NEXN: variants seen among roughly 807,000 people sequenced by gnomAD.
The protein encoded by NEXN is nexilin F-actin binding protein, also known as nexilin.
NEXN carries 65 observed loss-of-function variants against 92.6 expected under a neutral mutation model. That is an observed-to-expected ratio of 0.70 (90% CI 0.57 to 0.86). NEXN has a LOEUF of 0.86. Among genes scored for constraint, NEXN ranks in the 40% least tolerant of loss-of-function variants. The pLI, the probability that NEXN is intolerant of heterozygous loss-of-function variation, is 0.00. For synonymous variants in NEXN, 254 were observed against 242.5 expected (o/e 1.05, Z -0.44); for missense variants, 778 against 771.1 (o/e 1.01, Z -0.11).
chr1:77,895,646 T>C (rs978215370), intron 1 of NEXN, among the ~76,000 whole-genome samples: 1 of 152,070 alleles, frequency 6.6e-6, no homozygotes, highest in Non-Finnish European at 1.5e-5. Flanking sequence ...GGCGGATCTC[T>C]TGAGGCCAGG....
At position 77,917,969 on chromosome 1, in the gene NEXN, A is replaced by T. The variant is rs1400298882; in HGVS notation, c.229A>T (p.Met77Leu). ...WNRRKQEIKE[M>L]LASDDEEDVS... ...TTATTTAACCATCTAGATTAAAGAA[A>T]TGCTTGCTTCTGATGATGAGGAAGA... Residue 77 changes from methionine to leucine, a missense_variant, in exon 4 of 13, where the codon ATG (methionine) becomes TTG (leucine). Around this residue, in one of 3 missense-constraint regions of NEXN, gnomAD observed 236 missense variants for 265.6 expected, o/e 0.89. Coordinates refer to ENST00000334785, the MANE Select transcript of NEXN (RefSeq NM_144573.4). 3 of 1,612,286 alleles carry T rather than the reference A, an allele frequency of 1.9e-6. No individual in the cohort carries two copies. In the Admixed American group the frequency reaches 5.0e-5, roughly 27 times the overall value.
chr1:77,934,707 T>C (rs1184475810), intron 10 of NEXN, among the ~76,000 whole-genome samples: 1 of 152,130 alleles, frequency 6.6e-6, no homozygotes, highest in Non-Finnish European at 1.5e-5. Context: ...AATGGGGGCG[T>C]GTATTCGCCA....
At chr1:77,895,601 C>T (rs1293030748) in intron 1 of NEXN, among the ~76,000 whole-genome samples, 2 of 152,194 alleles carry the variant, frequency 1.3e-5, no homozygotes, top group African/African-American at 4.8e-5. Flanking sequence ...CTGTGGCTCA[C>T]GCCTGTAATT....
At chr1:77,936,181 C>A in intron 11 of NEXN, 137 bp downstream of exon 11, 1 of 656,710 alleles carries the variant, frequency 1.5e-6, no homozygotes, top group South Asian at 1.9e-5. Flanking sequence ...AAGTAAATAG[C>A]AAAACACATG....
intron 1 of NEXN, among the ~76,000 whole-genome samples, chr1:77,905,068 C>T (rs1010038100): frequency 6.6e-6 from 1 of 151,264 alleles, no homozygotes; most frequent in Non-Finnish European, 1.5e-5. Flanking sequence ...TAGAGACCAT[C>T]CTTGCCAACA....
At position 77,897,838 on chromosome 1, in the gene NEXN, A is replaced by G. The variant is rs1454461580; in HGVS notation, c.-53+9079A>G. Among the ~76,000 whole-genome samples the G allele has an allele frequency of 6.6e-5, 10 of 152,022 alleles. No homozygotes were observed. The South Asian group carries it at 1.9e-3, about 28-fold the overall frequency. Reference sequence around the variant, plus strand: ...CTCAGGATACAAAATCAATGTGCAAAAATCACAAGCATTCTTATACACCAA... The same window carrying G: ...CTCAGGATACAAAATCAATGTGCAAGAATCACAAGCATTCTTATACACCAA... On this transcript the variant is annotated intron_variant, in intron 1 of 12. Transcript: ENST00000334785.
At chr1:77,909,947 TAAC>T (rs1202450353) in intron 1 of NEXN, among the ~76,000 whole-genome samples, 1 of 152,098 alleles carries the variant, frequency 6.6e-6, no homozygotes, top group Non-Finnish European at 1.5e-5. Context: ...ATACAAAACT[TAAC>T]AAAATTTTAT....
At position 77,933,578 on chromosome 1, in the gene NEXN, G is replaced by A. The variant is rs944979381; in HGVS notation, c.1251+99G>A. ...ACTTTGTATTATTATTCACCTTTAG[G>A]ATAGTTGACATAGTATTATGAGGTG... On this transcript the variant is annotated intron_variant, in intron 10 of 12. Transcript: ENST00000334785. 15 of 939,368 alleles carry A rather than the reference G, an allele frequency of 1.6e-5. No homozygotes were observed. The African/African-American group carries it at 2.3e-4, about 14-fold the overall frequency. 58.2% of individuals were successfully genotyped at this position (939,368 alleles called of 1,614,324 possible).
At chr1:77,938,774 AAGAGG>A (rs1211583873) in intron 11 of NEXN, among the ~76,000 whole-genome samples, 1 of 152,126 alleles carries the variant, frequency 6.6e-6, no homozygotes, top group Non-Finnish European at 1.5e-5. Flanking sequence ...GTTGCAGGTA[AAGAGG>A]AGAGACATTC....
chr1:77,936,625 A>T (rs1650791770), intron 11 of NEXN, among the ~76,000 whole-genome samples: 1 of 152,198 alleles, frequency 6.6e-6, no homozygotes, highest in Non-Finnish European at 1.5e-5. Context: ...ATGAATTTGA[A>T]TTATCTTCAA....
At chr1:77,941,749 A>T (rs891969885) in intron 11 of NEXN, 1 of 450,798 alleles carries the variant, frequency 2.2e-6, no homozygotes, top group Non-Finnish European at 4.1e-6. Context: ...ATCAAAACCA[A>T]GCAGAGTTGG....
rs41305640 is a variant in NEXN, at chr1:77,929,362, G to T, written c.911G>T (p.Gly304Val). 20 of 1,613,434 alleles carry T rather than the reference G, an allele frequency of 1.2e-5. No individual in the cohort carries two copies. Among genetic ancestry groups the T allele is most frequent in the Non-Finnish European group, 1.7e-5 (20 of 1,179,840 alleles). ...ENQDTAKIFK[G>V]YRPGKLKLSF... The stretch of plus-strand genomic sequence containing the variant: ...CAAGACACAGCAAAAATTTTTAAAG[G>T]GTACCGCCCTGGTAAACTCAAACTC... Residue 304 changes from glycine to valine, a missense_variant, in exon 9 of 13, where the codon GGG becomes GTG. Coordinates refer to ENST00000334785, the MANE Select transcript of NEXN (RefSeq NM_144573.4).
intron 11 of NEXN, among the ~76,000 whole-genome samples, chr1:77,936,516 T>C (rs1320758014): frequency 6.6e-6 from 1 of 152,242 alleles, no homozygotes; most frequent in Non-Finnish European, 1.5e-5. Context: ...CTCCAGATTA[T>C]TCATAATTTC....
chr1:77,921,104 T>TA (rs1327841916), intron 5 of NEXN, among the ~76,000 whole-genome samples: 2 of 152,222 alleles, frequency 1.3e-5, no homozygotes, highest in African/African-American at 4.8e-5. Context: ...TCTTCAAACA[T>TA]ACTTTATTAT....
intron 9 of NEXN, 82 bp from the exon 10 acceptor site, chr1:77,933,199 AG>A: frequency 1.1e-6 from 1 of 936,188 alleles, no homozygotes; most frequent in Non-Finnish European, 1.6e-6. Flanking sequence ...AACAAAAAAA[AG>A]AAATCCCAGT....
rs1270187994 is a variant in NEXN at position 77,929,438 on chromosome 1, A to C, written c.987A>C (p.Ala329=). Residue 329 remains alanine, a synonymous_variant, in exon 9 of 13, where the codon GCA becomes GCC. Transcript: ENST00000334785. ...RQRREDEKRK[A]EEEARRRIEE... ...GAAGAGAAGATGAAAAAAGGAAAGC[A>C]GAAGAAGAAGCCAGAAGGAGAATAG... 1.3e-5 allele frequency: 21 copies of C among 1,613,194 alleles called. No individual in the cohort carries two copies. Among genetic ancestry groups the C allele is most frequent in the Non-Finnish European group, 1.7e-5 (20 of 1,179,564 alleles).
At chr1:77,936,785 T>C (rs1650802914) in intron 11 of NEXN, among the ~76,000 whole-genome samples, 1 of 152,224 alleles carries the variant, frequency 6.6e-6, no homozygotes, top group Non-Finnish European at 1.5e-5. Flanking sequence ...ACTTAACCTA[T>C]ATTCTATTTT....
At chr1:77,923,312 G>A (rs1197543192) in intron 5 of NEXN, among the ~76,000 whole-genome samples, 1 of 151,740 alleles carries the variant, frequency 6.6e-6, no homozygotes, top group African/African-American at 2.4e-5. Context: ...TTAATAAAAT[G>A]TATTATTTCT....
At position 77,890,716 on chromosome 1, in the gene NEXN, AT is replaced by A. The variant is rs551163667; in HGVS notation, c.-53+1958del. 1.6e-4 allele frequency among the ~76,000 whole-genome samples: 25 copies of A among 152,290 alleles called. No individual in the cohort carries two copies. In the East Asian group the frequency reaches 3.1e-3, roughly 19 times the overall value. ...TGACATACTTCATTTATTAAAAAAA[AT>A]ACCTGTTATCTTTGAAATACCCTAA... On this transcript the variant is annotated intron_variant, in intron 1 of 12. Transcript: ENST00000334785.
Sources: gnomAD v4.1 joint callset for allele counts (sites outside exome capture counted in the v4.1 genomes callset) on GRCh38, gnomAD v4.1.1 for gene constraint, gnomAD v4.1.1 regional missense constraint, MANE v1.5 for transcripts, NCBI Gene and HGNC (gene_info 2026-07-23, HGNC 2026-07-21) for gene names.